The following FSTL4 variants were observed in gnomAD, a reference collection of about 807,000 sequenced individuals.
FSTL4 encodes follistatin-related protein 4.
Under a neutral mutation model 78.2 loss-of-function variants are expected in FSTL4, and 28 were observed. That is an observed-to-expected ratio of 0.36 (90% CI 0.27 to 0.49). FSTL4 has a LOEUF of 0.49. Among genes scored for constraint, FSTL4 ranks in the 20% least tolerant of loss-of-function variants. The probability of loss-of-function intolerance (pLI) is 0.98; values close to 1 mark genes in which losing one functional copy is unlikely to be tolerated. For synonymous variants in FSTL4, 422 were observed against 440.5 expected (o/e 0.96, Z 0.53); for missense variants, 922 against 1,084.9 (o/e 0.85, Z 2.11).
intron 6 of FSTL4, among the ~76,000 whole-genome samples, chr5:133,274,396 T>TTTTTTTTTTTTTTTGGGA (rs1752832893): frequency 6.7e-6 from 1 of 149,708 alleles, no homozygotes; most frequent in African/African-American, 2.5e-5. Flanking sequence ...TTTTTTTTTT[T>TTTTTTTTTTTTTTTGGGA]AGGAGAACAG....
the FSTL4 span, among the ~76,000 whole-genome samples, chr5:133,646,659 A>G: frequency 6.6e-6 from 1 of 152,140 alleles, no homozygotes; most frequent in Non-Finnish European, 1.5e-5. Context: ...GATTGAGGAC[A>G]TAGTTTGGAG....
At chr5:133,557,081 C>G (rs1464881952) in intron 3 of FSTL4, among the ~76,000 whole-genome samples, 2 of 152,162 alleles carry the variant, frequency 1.3e-5, no homozygotes, top group Admixed American at 6.5e-5. Flanking sequence ...CCCTAGGGGA[C>G]AGGGCAAAAG....
intron 7 of FSTL4, among the ~76,000 whole-genome samples, chr5:133,240,615 C>T (rs898023642): frequency 1.1e-4 from 17 of 152,142 alleles, no homozygotes; most frequent in Admixed American, 9.8e-4. Context: ...CTGGTGTGTG[C>T]GGTCAGTCTT....
intron 1 of FSTL4, 53 bp from the exon 2 acceptor site, chr5:133,604,046 T>G (rs955071382): frequency 6.9e-6 from 9 of 1,313,612 alleles, no homozygotes; most frequent in South Asian, 2.4e-5. Context: ...ATGGATATAA[T>G]AAGTCACAGT....
intron 8 of FSTL4, among the ~76,000 whole-genome samples, chr5:133,232,026 T>G (rs1751508942): frequency 6.6e-6 from 1 of 152,190 alleles, no homozygotes; most frequent in Admixed American, 6.5e-5. Context: ...TTATTGTGTT[T>G]TTGGGAATGA....
At chr5:133,430,373 A>G (rs1184267241) in intron 3 of FSTL4, among the ~76,000 whole-genome samples, 1 of 152,170 alleles carries the variant, frequency 6.6e-6, no homozygotes, top group Admixed American at 6.5e-5. Flanking sequence ...GGGTTAATGA[A>G]AAAGTGGTAT....
At chr5:133,805,769 G>A in the FSTL4 span, among the ~76,000 whole-genome samples, 168 of 152,334 alleles carry the variant, frequency 1.1e-3, no homozygotes, top group African/African-American at 3.9e-3. Flanking sequence ...TATTACTGGA[G>A]CACCATTTTG....
At chr5:133,583,225 T>C in intron 2 of FSTL4, 2 of 455,752 alleles carry the variant, frequency 4.4e-6, no homozygotes, top group Non-Finnish European at 8.8e-6. Flanking sequence ...ACAGTTGGTA[T>C]CACAGTAACC....
chr5:133,653,971 G>A, the FSTL4 span, among the ~76,000 whole-genome samples: 52 of 152,334 alleles, frequency 3.4e-4, no homozygotes, highest in Middle Eastern at 3.4e-3. Flanking sequence ...ATTTGCTCAT[G>A]CAAGCTTTCC....
At chr5:133,541,787 A>G (rs993726968) in intron 3 of FSTL4, among the ~76,000 whole-genome samples, 8 of 152,188 alleles carry the variant, frequency 5.3e-5, no homozygotes, top group African/African-American at 1.9e-4. Context: ...TTCATTGTAT[A>G]CTTTTTCTGC....
intron 6 of FSTL4, among the ~76,000 whole-genome samples, chr5:133,262,912 GA>G (rs1274211267): frequency 5.9e-5 from 9 of 151,922 alleles, no homozygotes; most frequent in African/African-American, 2.2e-4. Context: ...AGGGTGTTGG[GA>G]CAACACTCTG....
intron 6 of FSTL4, among the ~76,000 whole-genome samples, chr5:133,250,657 G>A (rs1192815279): frequency 6.6e-6 from 1 of 152,274 alleles, no homozygotes; most frequent in African/African-American, 2.4e-5. Context: ...CAGCCCCGCA[G>A]GCAGCACATC....
At chr5:133,797,648 G>A in the FSTL4 span, among the ~76,000 whole-genome samples, 5 of 152,074 alleles carry the variant, frequency 3.3e-5, no homozygotes, top group Non-Finnish European at 2.9e-5. Flanking sequence ...GAGGGGGTCC[G>A]TTTAGTCCTT....
At chr5:133,701,509 A>ACAACCCCC in the FSTL4 span, among the ~76,000 whole-genome samples, 1 of 132,624 alleles carries the variant, frequency 7.5e-6, no homozygotes, top group Non-Finnish European at 1.6e-5. Flanking sequence ...ACACACACAC[A>ACAACCCCC]CCCCACAGGC....
At chr5:133,218,728 A>G (rs780308352) in intron 12 of FSTL4, among the ~76,000 whole-genome samples, 47 of 152,124 alleles carry the variant, frequency 3.1e-4, no homozygotes, top group Non-Finnish European at 5.9e-4. Context: ...TCTGCTTAGT[A>G]TCACCTTATT....
At position 133,542,071 on chromosome 5, in the gene FSTL4, C is replaced by T. The variant is rs551183734; in HGVS notation, c.160+25115G>A. On this transcript the variant is annotated intron_variant, in intron 3 of 15. Coordinates refer to ENST00000265342, the MANE Select transcript of FSTL4 (RefSeq NM_015082.2). Reference sequence around the variant, plus strand: ...CCTTTCCTAACAGTGAAAAACCTTGCTCGCATTATATACTAAATACATTTA... The same window carrying T: ...CCTTTCCTAACAGTGAAAAACCTTGTTCGCATTATATACTAAATACATTTA... Among the ~76,000 whole-genome samples the T allele has an allele frequency of 2.6e-5, 4 of 152,262 alleles. No individual in the cohort carries two copies. The East Asian group carries it at 7.7e-4, about 29-fold the overall frequency.
At chr5:133,772,343 T>C in the FSTL4 span, among the ~76,000 whole-genome samples, 1 of 152,192 alleles carries the variant, frequency 6.6e-6, no homozygotes, top group Admixed American at 6.5e-5. Flanking sequence ...GTTGTAAAAA[T>C]AAACCATTTG....
At chr5:133,733,639 T>C in the FSTL4 span, among the ~76,000 whole-genome samples, 2 of 152,222 alleles carry the variant, frequency 1.3e-5, no homozygotes, top group Non-Finnish European at 2.9e-5. Context: ...GTTCTGTAGA[T>C]AAAAACAGAT....
chr5:133,708,639 A>T, the FSTL4 span, among the ~76,000 whole-genome samples: 1 of 152,198 alleles, frequency 6.6e-6, no homozygotes, highest in Non-Finnish European at 1.5e-5. Context: ...AACCCCGGCC[A>T]TGTGTTCCCT....
Sources: gnomAD v4.1 joint callset for allele counts (sites outside exome capture counted in the v4.1 genomes callset) on GRCh38, gnomAD v4.1.1 for gene constraint, MANE v1.5 for transcripts, NCBI Gene and HGNC (gene_info 2026-07-23, HGNC 2026-07-21) for gene names.